ANK2: variants seen among roughly 807,000 people sequenced by gnomAD.
ANK2 encodes ankyrin-2.
In ANK2, 83 loss-of-function variants were observed where a neutral mutation model predicts 360.5. The observed-to-expected ratio is 0.23, with a 90% CI of 0.19 to 0.28. The LOEUF (loss-of-function observed/expected upper bound fraction) is 0.28. ANK2 is among the 10% of genes least tolerant of loss of function. The pLI, the probability that ANK2 is intolerant of heterozygous loss-of-function variation, is 1.00. For synonymous variants in ANK2, 1,740 were observed against 1,759.5 expected (o/e 0.99, Z 0.28); for missense variants, 4,201 against 4,795.7 (o/e 0.88, Z 3.66).
chr4:113,302,730 G>T (rs2075579099), intron 22 of ANK2, 37 bp from the exon 23 acceptor site: 1 of 1,548,192 alleles, frequency 6.5e-7, no homozygotes, highest in African/African-American at 1.4e-5. Context: ...TTTACTTTTG[G>T]TTTCAACTTG....
At position 113,293,483 on chromosome 4, in the gene ANK2, T is replaced by C; in HGVS notation, c.2420T>C (p.Ile807Thr). 6.2e-7 allele frequency: 1 copy of C among 1,613,790 alleles called. No homozygotes were observed. The highest frequency in any genetic ancestry group is 8.5e-7 in the Non-Finnish European group (1 of 1,179,980). The change falls in exon 22 of 46, where the codon ATC becomes ACC. Residue 807 changes from isoleucine to threonine, a missense_variant. By Grantham distance (89) the Ile-to-Thr change is moderately conservative. Around this residue, in one of 4 missense-constraint regions of ANK2, gnomAD observed 1,268 missense variants for 1,650.8 expected, o/e 0.77. Coordinates refer to ENST00000357077, the MANE Select transcript of ANK2 (RefSeq NM_001148.6). Reference sequence around the variant, plus strand: ...GCGATTGCTAAGCGTCTGGGCTACATCTCCGTGGTCGACACCCTGAAGGTT... The same window carrying C: ...GCGATTGCTAAGCGTCTGGGCTACACCTCCGTGGTCGACACCCTGAAGGTT... Reference protein sequence around the residue: ...ALAIAKRLGYISVVDTLKVVT... With the variant: ...ALAIAKRLGYTSVVDTLKVVT...
At chr4:113,216,320 A>G (rs1471726592) in intron 4 of ANK2, among the ~76,000 whole-genome samples, 1 of 152,244 alleles carries the variant, frequency 6.6e-6, no homozygotes, top group East Asian at 1.9e-4. Context: ...CTCGAAGCCT[A>G]TGCGTAGCAC....
intron 1 of ANK2, among the ~76,000 whole-genome samples, chr4:113,058,963 C>T (rs1288611554): frequency 6.6e-6 from 1 of 152,138 alleles, no homozygotes; most frequent in Admixed American, 6.6e-5. Context: ...AAGCCATCAG[C>T]TGATTTGGTG....
At chr4:112,767,682 T>C in the ANK2 span, among the ~76,000 whole-genome samples, 18 of 152,320 alleles carry the variant, frequency 1.2e-4, no homozygotes, top group East Asian at 3.3e-3. Context: ...ATAATATTTA[T>C]AGACAATGTT....
intron 5 of ANK2, among the ~76,000 whole-genome samples, chr4:113,234,215 T>C (rs1223056995): frequency 6.6e-6 from 1 of 152,154 alleles, no homozygotes; most frequent in African/African-American, 2.4e-5. Context: ...GCATTTCCCA[T>C]TTGGTTCCAA....
At chr4:112,984,061 T>G (rs2044035236) in intron 2 of ANK2, among the ~76,000 whole-genome samples, 1 of 152,194 alleles carries the variant, frequency 6.6e-6, no homozygotes, top group Admixed American at 6.5e-5. Flanking sequence ...TAGACAAACT[T>G]TTGCCTGGGA....
the ANK2 span, among the ~76,000 whole-genome samples, chr4:112,712,764 A>C: frequency 1.3e-5 from 2 of 152,216 alleles, no homozygotes; most frequent in African/African-American, 4.8e-5. Context: ...CAGCACAGGA[A>C]AATTTATTTT....
At position 113,024,001 on chromosome 4, in the gene ANK2, T is replaced by G. The variant is rs566664215; in HGVS notation, c.21+119487T>G. ...AGTGAAGGAAACAGATAAAGTCCCT[T>G]TCTTCCTAGGGCTTACAAAATTTGT... On this transcript the variant is annotated intron_variant, in intron 2 of 30. Coordinates refer to the ANK2 transcript ENST00000503271. Among the ~76,000 whole-genome samples the G allele has an allele frequency of 2.7e-4, 41 of 152,298 alleles. No individual in the cohort carries two copies. In the South Asian group the frequency reaches 7.9e-3, roughly 29 times the overall value.
the ANK2 span, among the ~76,000 whole-genome samples, chr4:112,809,438 G>A: frequency 1.4e-4 from 21 of 151,426 alleles, no homozygotes; most frequent in African/African-American, 5.1e-4. Flanking sequence ...GCAGGTGCCT[G>A]TAGTCCCAGC....
rs759688702 is a variant in ANK2 at position 113,237,133 on chromosome 4, T to C, written c.630T>C (p.Leu210=). 6 of 1,614,050 alleles carry C rather than the reference T, an allele frequency of 3.7e-6. No homozygotes were observed. Among genetic ancestry groups the C allele is most frequent in the Non-Finnish European group, 5.1e-6 (6 of 1,180,024 alleles). The change falls in exon 6 of 46, where the codon CTT becomes CTC. Residue 210 remains leucine (L), a synonymous_variant. Coordinates refer to ENST00000357077, the MANE Select transcript of ANK2 (RefSeq NM_001148.6). The part of the protein sequence containing the change: ...ARKDDTKSAA[L]LLQNDHNADV... ...AAGACGACACCAAATCTGCCGCACT[T>C]CTGCTTCAGAATGACCACAATGCTG...
chr4:113,093,844 C>A (rs564298365), intron 1 of ANK2, among the ~76,000 whole-genome samples: 1 of 152,336 alleles, frequency 6.6e-6, no homozygotes, highest in Non-Finnish European at 1.5e-5. Flanking sequence ...AAATAATTCA[C>A]TGGAATTTGT....
chr4:113,246,341 T>G (rs1271122338), intron 9 of ANK2, among the ~76,000 whole-genome samples: 1 of 152,172 alleles, frequency 6.6e-6, no homozygotes, highest in Non-Finnish European at 1.5e-5. Context: ...TTCTTGGCTC[T>G]CATCACCATT....
intron 18 of ANK2, among the ~76,000 whole-genome samples, chr4:113,283,454 A>G (rs1266982387): frequency 2.0e-5 from 3 of 152,062 alleles, no homozygotes; most frequent in Non-Finnish European, 2.9e-5. Context: ...TGGTGAGAAA[A>G]TCATTTTTTT....
intron 1 of ANK2, among the ~76,000 whole-genome samples, chr4:112,861,839 C>G (rs867221779): frequency 7.1e-5 from 10 of 140,390 alleles, no homozygotes; most frequent in South Asian, 4.5e-4. Flanking sequence ...TACATAGAGA[C>G]AGAGAGAGAG....
chr4:113,174,621 A>C, intron 2 of ANK2, 104 bp downstream of exon 2: 1 of 945,652 alleles, frequency 1.1e-6, no homozygotes, highest in Non-Finnish European at 1.6e-6. Context: ...CTAAAATATC[A>C]GTGACTCAGA....
At chr4:113,043,264 A>G (rs891692730) in intron 2 of ANK2, among the ~76,000 whole-genome samples, 1 of 152,092 alleles carries the variant, frequency 6.6e-6, no homozygotes, top group Non-Finnish European at 1.5e-5. Flanking sequence ...TTAGCTTCCA[A>G]GGAGGTGGAA....
chr4:112,907,180 T>G (rs1180916777), intron 2 of ANK2, among the ~76,000 whole-genome samples: 1 of 152,104 alleles, frequency 6.6e-6, no homozygotes, highest in Non-Finnish European at 1.5e-5. Flanking sequence ...GACAGTAGAG[T>G]TAGACTGAAA....
chr4:112,743,446 A>T, the ANK2 span, among the ~76,000 whole-genome samples: 13 of 151,946 alleles, frequency 8.6e-5, no homozygotes, highest in African/African-American at 3.1e-4. Flanking sequence ...TAACACATGT[A>T]ATTAGGTTGG....
Position 112,968,877 on chromosome 4 carries a change from G to A in ANK2, c.21+64363G>A, listed in dbSNP as rs1339772297. 2.0e-5 allele frequency among the ~76,000 whole-genome samples: 3 copies of A among 152,072 alleles called. No homozygotes were observed. The South Asian group carries it at 6.2e-4, about 32-fold the overall frequency. ...TGATTGTTTATACCATTTTAATTTG[G>A]TAATAGATCCCTAGAGAAACAAGGT... On this transcript the variant is annotated intron_variant, in intron 2 of 30. Coordinates refer to the ANK2 transcript ENST00000503271.
Sources: allele counts gnomAD v4.1 joint callset (sites outside exome capture counted in the v4.1 genomes callset), GRCh38; gene constraint gnomAD v4.1.1; regional missense constraint gnomAD v4.1.1; transcripts MANE v1.5; gene names NCBI Gene and HGNC (gene_info 2026-07-23, HGNC 2026-07-21).